Variants in SH3PXD2B observed in about 807,000 individuals in gnomAD.
SH3PXD2B encodes SH3 and PX domain-containing protein 2B.
SH3PXD2B carries 37 observed loss-of-function variants against 73.1 expected under a neutral mutation model. The ratio of observed to expected loss-of-function variants is 0.51; its 90% CI spans 0.39 to 0.67. The LOEUF (loss-of-function observed/expected upper bound fraction) is 0.67. Among genes scored for constraint, SH3PXD2B ranks in the 30% least tolerant of loss-of-function variants. The pLI is 0.00. For missense variants in SH3PXD2B, 1,053 were observed against 1,197.8 expected, an observed-to-expected ratio of 0.88 and a Z score of 1.78; for synonymous variants, 457 against 480.5, an observed-to-expected ratio of 0.95 and a Z score of 0.64.
downstream of SH3PXD2B, among the ~76,000 whole-genome samples, chr5:172,329,540 C>CTTT (rs370876232): frequency 4.7e-5 from 5 of 106,444 alleles, no homozygotes; most frequent in East Asian, 6.0e-4. Context: ...CTTTGTTATT[C>CTTT]TTTTTTTTTT....
rs756488522 is a variant in SH3PXD2B at position 172,346,166 on chromosome 5, G to A, written c.1158C>T (p.Gly386=). ...IAEFQTTIPD[G]ISFQAGLKVE... is the part of the protein sequence containing the mutation. Reference sequence around the variant, plus strand: ...CCTTCAGGCCTGCCTGGAAGCTGATGCCGTCTGGGATGGTTGTCTGGAATT... The same window carrying A: ...CCTTCAGGCCTGCCTGGAAGCTGATACCGTCTGGGATGGTTGTCTGGAATT... Residue 386 remains glycine, a synonymous_variant, in exon 12 of 13, where the codon GGC becomes GGT. Coordinates refer to ENST00000311601, the MANE Select transcript of SH3PXD2B (RefSeq NM_001017995.3). 2.5e-6 allele frequency: 4 copies of A among 1,614,172 alleles called. No individual in the cohort carries two copies. The highest frequency in any genetic ancestry group is 3.4e-6 in the Non-Finnish European group (4 of 1,180,018).
At chr5:172,392,066 T>G (rs375150479) in intron 4 of SH3PXD2B, among the ~76,000 whole-genome samples, 1 of 151,874 alleles carries the variant, frequency 6.6e-6, no homozygotes, top group African/African-American at 2.4e-5. Context: ...TGCATATGTA[T>G]AGCTGTTGTG....
intron 10 of SH3PXD2B, among the ~76,000 whole-genome samples, chr5:172,348,664 TATC>T (rs1181308923): frequency 7.5e-4 from 30 of 39,816 alleles, no homozygotes; most frequent in African/African-American, 2.0e-3. Flanking sequence ...CCTATCTATC[TATC>T]TATCTATCTA....
downstream of SH3PXD2B, among the ~76,000 whole-genome samples, chr5:172,330,717 G>A (rs1284770473): frequency 2.6e-5 from 4 of 152,218 alleles, no homozygotes; most frequent in East Asian, 7.7e-4. Flanking sequence ...GGAACTTATG[G>A]TAAGGGGCTC....
chr5:172,356,062 C>T (rs1163268076), intron 8 of SH3PXD2B, among the ~76,000 whole-genome samples: 11 of 152,074 alleles, frequency 7.2e-5, no homozygotes, highest in Admixed American at 1.3e-4. Context: ...GAGTAGGTGT[C>T]GGACCCTGGC....
chr5:172,436,716 A>G (rs1301579081), intron 1 of SH3PXD2B, among the ~76,000 whole-genome samples: 1 of 152,176 alleles, frequency 6.6e-6, no homozygotes, highest in African/African-American at 2.4e-5. Context: ...CAGTGCACGG[A>G]GGGGCTAGGG....
In SH3PXD2B at chr5:172,402,885, C is replaced by T. The variant is rs1758454448; in HGVS notation, c.232+3392G>A. Among the ~76,000 whole-genome samples the T allele has an allele frequency of 2.0e-5, 3 of 152,254 alleles. No individual in the cohort carries two copies. In the South Asian group the frequency reaches 6.2e-4, roughly 32 times the overall value. On this transcript the variant is annotated intron_variant, in intron 3 of 12. Coordinates refer to ENST00000311601, the MANE Select transcript of SH3PXD2B (RefSeq NM_001017995.3). ...CAGAGTGCACGTTCTTTCCTCAACTCCCAGCTTTCTTAAACCTGCCTCCAG... is the reference window on the plus strand; with the variant it reads ...CAGAGTGCACGTTCTTTCCTCAACTTCCAGCTTTCTTAAACCTGCCTCCAG...
chr5:172,345,266 C>T (rs1161923926), intron 12 of SH3PXD2B, among the ~76,000 whole-genome samples: 1 of 152,102 alleles, frequency 6.6e-6, no homozygotes, highest in African/African-American at 2.4e-5. Context: ...TCAGACAGTG[C>T]TCTGTGCCAG....
chr5:172,395,334 T>A (rs774214875), intron 3 of SH3PXD2B, among the ~76,000 whole-genome samples: 5 of 152,248 alleles, frequency 3.3e-5, no homozygotes, highest in Non-Finnish European at 7.3e-5. Context: ...GGCTTCCACC[T>A]GCAAAGAGGA....
chr5:172,332,489 C>T (rs7706847), downstream of SH3PXD2B, among the ~76,000 whole-genome samples: 92,109 of 150,638 alleles, frequency 0.61, 28,547 homozygotes, highest in South Asian at 0.82. Flanking sequence ...GTCTCAAACT[C>T]TTGGGTTCAA....
intron 3 of SH3PXD2B, among the ~76,000 whole-genome samples, chr5:172,401,572 C>T (rs190144370): frequency 1.2e-3 from 176 of 152,248 alleles, no homozygotes; most frequent in African/African-American, 4.0e-3. Flanking sequence ...CCTTCATCGC[C>T]ATGGCACATT....
intron 1 of SH3PXD2B, among the ~76,000 whole-genome samples, chr5:172,442,890 G>A (rs1387074092): frequency 6.6e-6 from 1 of 152,174 alleles, no homozygotes; most frequent in Non-Finnish European, 1.5e-5. Context: ...ACACATGGCA[G>A]AGCCAGGTCC....
At chr5:172,355,306 A>G (rs1008847114) in intron 8 of SH3PXD2B, among the ~76,000 whole-genome samples, 2 of 152,204 alleles carry the variant, frequency 1.3e-5, no homozygotes, top group African/African-American at 2.4e-5. Context: ...AGCTGACTCA[A>G]GCTGCACATA....
At chr5:172,420,299 T>C (rs895240363) in intron 2 of SH3PXD2B, among the ~76,000 whole-genome samples, 5 of 152,206 alleles carry the variant, frequency 3.3e-5, no homozygotes, top group African/African-American at 9.6e-5. Context: ...AAAACATCAC[T>C]AATGAATTCA....
intron 1 of SH3PXD2B, among the ~76,000 whole-genome samples, chr5:172,424,269 C>T (rs6895137): frequency 6.6e-6 from 1 of 152,092 alleles, no homozygotes; most frequent in Non-Finnish European, 1.5e-5. Flanking sequence ...CGGAAGTGGG[C>T]AGGAGAGAGA....
Position 172,422,464 on chromosome 5 carries a change from GC to G in SH3PXD2B, c.107del (p.Gly36AlafsTer60), listed in dbSNP as rs1403694892. 6.2e-7 allele frequency: 1 copy of G among 1,612,680 alleles called. No homozygotes were observed. The highest frequency in any genetic ancestry group is 8.5e-7 in the Non-Finnish European group (1 of 1,179,744). On this transcript the variant is annotated frameshift_variant, in exon 2 of 13. Coordinates refer to ENST00000311601, the MANE Select transcript of SH3PXD2B (RefSeq NM_001017995.3). LOFTEE classifies it high-confidence loss of function. ...VYIIRVTWSS[G>X]STEAIYRRYS... The stretch of plus-strand genomic sequence containing the variant: ...AGCGCCGGTAAATGGCCTCGGTGGA[GC>G]CGCTGGACCACGTGACCCGGATGAT...
At chr5:172,356,455 G>A (rs559565195) in intron 8 of SH3PXD2B, among the ~76,000 whole-genome samples, 24 of 152,334 alleles carry the variant, frequency 1.6e-4, no homozygotes, top group South Asian at 6.2e-4. Context: ...CAGCCTTATA[G>A]AAACCCACAG....
intron 6 of SH3PXD2B, among the ~76,000 whole-genome samples, chr5:172,366,128 G>T (rs1230733377): frequency 6.6e-6 from 1 of 152,204 alleles, no homozygotes; most frequent in Non-Finnish European, 1.5e-5. Flanking sequence ...GGCAGTCGTT[G>T]GCTGGTGTGG....
In SH3PXD2B at chr5:172,338,309, T is replaced by C; in HGVS notation, c.*60A>G. 1 of 1,612,344 alleles carries C rather than the reference T, an allele frequency of 6.2e-7. No homozygotes were observed. On this transcript the variant is annotated 3_prime_UTR_variant, in exon 13 of 13. Transcript: ENST00000311601. This position sits in a 1 kb window ranked among gnomAD's most constrained non-coding sequence, Gnocchi z 5.1. ...GGAGAATGATAAATTAAGAGGCGTA[T>C]TAAATACGTGGGTAAAGCCAGCAAG...
Sources: allele counts gnomAD v4.1 joint callset (sites outside exome capture counted in the v4.1 genomes callset), GRCh38; gene constraint gnomAD v4.1.1; non-coding constraint Gnocchi (gnomAD v3.1); transcripts MANE v1.5; gene names NCBI Gene and HGNC (gene_info 2026-07-23, HGNC 2026-07-21).